KCNN2: variants seen among roughly 807,000 people sequenced by gnomAD.
KCNN2 encodes potassium calcium-activated channel subfamily N member 2.
KCNN2 carries 24 observed loss-of-function variants against 55.5 expected under a neutral mutation model. The observed-to-expected ratio is 0.43, with a 90% CI of 0.31 to 0.61. The LOEUF (loss-of-function observed/expected upper bound fraction) is 0.61, where lower values mean the gene tolerates loss of function less well. KCNN2 is among the 20% of genes least tolerant of loss of function. The pLI, the probability that KCNN2 is intolerant of heterozygous loss-of-function variation, is 0.08. For synonymous variants in KCNN2, 431 were observed against 336.1 expected (o/e 1.28, Z -3.09); for missense variants, 754 against 853.6 (o/e 0.88, Z 1.45).
At chr5:114,192,320 A>G (rs1753466638) in intron 1 of KCNN2, among the ~76,000 whole-genome samples, 1 of 152,166 alleles carries the variant, frequency 6.6e-6, no homozygotes, top group African/African-American at 2.4e-5. Context: ...TACTTCTCCA[A>G]ATGATAAATC....
At chr5:114,329,882 T>C (rs1756780088) in intron 2 of KCNN2, among the ~76,000 whole-genome samples, 1 of 152,142 alleles carries the variant, frequency 6.6e-6, no homozygotes, top group African/African-American at 2.4e-5. Context: ...GATGCTGCTG[T>C]GTCATGCTCT....
chr5:114,373,420 A>G (rs1415004192), intron 2 of KCNN2, among the ~76,000 whole-genome samples: 1 of 151,140 alleles, frequency 6.6e-6, no homozygotes, highest in African/African-American at 2.4e-5. Flanking sequence ...GATTTCTGAC[A>G]ATTTTCTCTA....
At chr5:114,161,828 C>T (rs1461976995) in intron 1 of KCNN2, among the ~76,000 whole-genome samples, 1 of 152,190 alleles carries the variant, frequency 6.6e-6, no homozygotes, top group Non-Finnish European at 1.5e-5. Flanking sequence ...TCACGTGGTT[C>T]TCATGCCATG....
At chr5:114,278,460 GA>G (rs770289764) in intron 2 of KCNN2, among the ~76,000 whole-genome samples, 4 of 152,238 alleles carry the variant, frequency 2.6e-5, no homozygotes, top group Non-Finnish European at 4.4e-5. Context: ...GCCAGAGGTT[GA>G]AAATAGAGAG....
intron 2 of KCNN2, chr5:114,253,816 T>C (rs1754928581): frequency 6.6e-6 from 1 of 152,262 alleles, no homozygotes; most frequent in Non-Finnish European, 1.5e-5. Context: ...TTACAGATTA[T>C]GAATCTTTTA....
chr5:114,479,998 C>T, intron 5 of KCNN2, among the ~76,000 whole-genome samples: 1 of 151,742 alleles, frequency 6.6e-6, no homozygotes, highest in Non-Finnish European at 1.5e-5. Flanking sequence ...TAGCAGAAGA[C>T]AAGAAATAAC....
At chr5:114,470,437 G>T (rs575486094) in intron 4 of KCNN2, among the ~76,000 whole-genome samples, 13 of 152,196 alleles carry the variant, frequency 8.5e-5, no homozygotes, top group African/African-American at 3.1e-4. Flanking sequence ...CAAAAGGCTA[G>T]CCTGTGTTTG....
chr5:114,450,359 C>A (rs1760619165), intron 3 of KCNN2, among the ~76,000 whole-genome samples: 3 of 152,140 alleles, frequency 2.0e-5, no homozygotes, highest in Admixed American at 6.5e-5. Context: ...TGGAGGAGCT[C>A]ACAGTGTGCA....
At chr5:114,081,872 A>T (rs1750828524) in intron 1 of KCNN2, among the ~76,000 whole-genome samples, 1 of 152,228 alleles carries the variant, frequency 6.6e-6, no homozygotes, top group South Asian at 2.1e-4. Flanking sequence ...TATTTCTAAT[A>T]AAGGATTGAT....
At chr5:114,332,248 T>G (rs1024070942) in intron 2 of KCNN2, among the ~76,000 whole-genome samples, 32 of 152,200 alleles carry the variant, frequency 2.1e-4, no homozygotes, top group Non-Finnish European at 1.5e-5. Context: ...AATTAATTAG[T>G]GCAGAAAGCG....
chr5:114,312,400 C>A (rs191339287), intron 2 of KCNN2, among the ~76,000 whole-genome samples: 19,757 of 63,154 alleles, frequency 0.31, 2,711 homozygotes, highest in South Asian at 0.38. Context: ...CACACACACA[C>A]ACACACACAC....
At chr5:114,340,389 G>C (rs1336625921) in intron 2 of KCNN2, among the ~76,000 whole-genome samples, 1 of 151,948 alleles carries the variant, frequency 6.6e-6, no homozygotes, top group East Asian at 1.9e-4. Flanking sequence ...TCTAAAAATT[G>C]TTTAAAGTAT....
At chr5:114,474,576 T>A (rs1761887000) in intron 5 of KCNN2, among the ~76,000 whole-genome samples, 1 of 152,162 alleles carries the variant, frequency 6.6e-6, no homozygotes, top group Admixed American at 6.6e-5. Flanking sequence ...TTTTTAAAGA[T>A]CTACTAGAGA....
intron 1 of KCNN2, among the ~76,000 whole-genome samples, chr5:114,077,099 A>G (rs774985649): frequency 6.6e-6 from 1 of 152,222 alleles, no homozygotes; most frequent in Non-Finnish European, 1.5e-5. Context: ...TCCCTTTTAC[A>G]TTTGTATCCC....
At position 114,103,519 on chromosome 5, in the gene KCNN2, G is replaced by T. The variant is rs976535429; in HGVS notation, c.-271+47019G>T. On this transcript the variant is annotated intron_variant, in intron 1 of 10. Transcript: ENST00000512097. ...GCCTTGTGCCTGTTTTCAAAGGAAT[G>T]CTTCCAGCTTTTGCTCATTCAGTGT... Among the ~76,000 whole-genome samples, 7 of 152,146 alleles carry T rather than the reference G, an allele frequency of 4.6e-5. No homozygotes were observed. In the East Asian group the frequency reaches 1.4e-3, roughly 29 times the overall value.
At chr5:114,254,134 GAAAT>G (rs2150001360) in intron 2 of KCNN2, among the ~76,000 whole-genome samples, 1 of 152,160 alleles carries the variant, frequency 6.6e-6, no homozygotes, top group Non-Finnish European at 1.5e-5. Context: ...TTCTGGCAAA[GAAAT>G]AACCCTTTGA....
chr5:114,270,789 A>C (rs1755312244), intron 2 of KCNN2, among the ~76,000 whole-genome samples: 1 of 152,142 alleles, frequency 6.6e-6, no homozygotes, highest in Non-Finnish European at 1.5e-5. Flanking sequence ...GAATGAAGCC[A>C]CGGACCCTCG....
At chr5:114,234,139 A>G (rs6862149) in intron 2 of KCNN2, among the ~76,000 whole-genome samples, 31,234 of 151,704 alleles carry the variant, frequency 0.21, 3,626 homozygotes, top group South Asian at 0.31. Flanking sequence ...TTTGAACTTT[A>G]TTGAGGATAC....
At chr5:114,255,346 C>T (rs1754961477) in intron 2 of KCNN2, among the ~76,000 whole-genome samples, 1 of 152,156 alleles carries the variant, frequency 6.6e-6, no homozygotes, top group African/African-American at 2.4e-5. Flanking sequence ...ACTCATTTGA[C>T]TCTTAGCAGA....
Sources: allele counts gnomAD v4.1 joint callset (sites outside exome capture counted in the v4.1 genomes callset), GRCh38; gene constraint gnomAD v4.1.1; transcripts MANE v1.5; gene names NCBI Gene and HGNC (gene_info 2026-07-23, HGNC 2026-07-21).